Variants in PPRC1 observed in about 807,000 individuals in gnomAD.
PPRC1 encodes the protein peroxisome proliferator-activated receptor gamma coactivator-related protein 1.
In PPRC1, 23 loss-of-function variants were observed where a neutral mutation model predicts 132.5. The ratio of observed to expected loss-of-function variants is 0.17; its 90% CI spans 0.12 to 0.25. The LOEUF (loss-of-function observed/expected upper bound fraction) is 0.25, where lower values mean the gene tolerates loss of function less well. Ranked by LOEUF, PPRC1 falls within the 10% of genes least tolerant of loss-of-function variation. The pLI, the probability that PPRC1 is intolerant of heterozygous loss-of-function variation, is 1.00. For missense variants in PPRC1, 2,006 were observed against 2,089.1 expected, an observed-to-expected ratio of 0.96 and a Z score of 0.78; for synonymous variants, 872 against 833.5, an observed-to-expected ratio of 1.05 and a Z score of -0.80.
chr10:102,141,888 G>A lies in PPRC1; in HGVS notation c.3380G>A (p.Ser1127Asn). ...AAGGCTGTTCCCACACCAAGGCAGA[G>A]CACTGTCCCCAAGCTGCCTGCTGTC... ...ATKAVPTPRQ[S>N]TVPKLPAVHP... Residue 1127 changes from serine to asparagine, a missense_variant, in exon 5 of 14, where the codon AGC (serine) becomes AAC (asparagine). Physicochemically the swap from Ser to Asn is conservative, Grantham distance 46. Coordinates refer to ENST00000278070, the MANE Select transcript of PPRC1 (RefSeq NM_015062.5). 1 of 1,614,164 alleles carries A rather than the reference G, an allele frequency of 6.2e-7. No individual in the cohort carries two copies. The highest frequency in any genetic ancestry group is 8.5e-7 in the Non-Finnish European group (1 of 1,180,026).
chr10:102,123,337 AG>A, the PPRC1 span, among the ~76,000 whole-genome samples: 1 of 151,826 alleles, frequency 6.6e-6, no homozygotes, highest in African/African-American at 2.4e-5. Context: ...ATGGGAAGAG[AG>A]GTCACAGACA....
At position 102,140,229 on chromosome 10, in the gene PPRC1, T is replaced by A. The variant is rs1439762852; in HGVS notation, c.1721T>A (p.Leu574His). 1 of 1,614,058 alleles carries A rather than the reference T, an allele frequency of 6.2e-7. No homozygotes were observed. Among genetic ancestry groups the A allele is most frequent in the East Asian group, 2.2e-5 (1 of 44,878 alleles). The change falls in exon 5 of 14, where the codon CTC becomes CAC. Residue 574 changes from leucine to histidine, a missense_variant. This residue lies in a region of PPRC1 where 1,914 missense variants were observed against 1,917.2 expected (regional missense o/e 1.00). Coordinates refer to ENST00000278070, the MANE Select transcript of PPRC1 (RefSeq NM_015062.5). ...TIQTNPIPTH[L>H]SLVDSAQASP... is the part of the protein sequence containing the mutation. ...CAAACCAATCCTATACCAACCCATC[T>A]CTCATTGGTCGACTCTGCCCAAGCC...
At chr10:102,137,535 C>G (rs1308455244) in intron 1 of PPRC1, among the ~76,000 whole-genome samples, 4 of 152,160 alleles carry the variant, frequency 2.6e-5, no homozygotes, top group Non-Finnish European at 5.9e-5. Flanking sequence ...GTTATCTTCA[C>G]TGCTGCCAGT....
Position 102,133,103 on chromosome 10 carries a change from C to G in PPRC1, c.35C>G (p.Ala12Gly). 9 of 1,244,354 alleles carry G rather than the reference C, an allele frequency of 7.2e-6. No individual in the cohort carries two copies. Among genetic ancestry groups the G allele is most frequent in the African/African-American group, 1.5e-5 (1 of 64,558 alleles). The allele number at this position is 1,244,354 out of a possible 1,614,324, so 77.1% of individuals were successfully genotyped here. The change falls in exon 1 of 14, where the codon GCG (alanine) becomes GGG (glycine). Residue 12 changes from alanine to glycine, a missense_variant. Ala to Gly is a moderately conservative substitution (Grantham distance 60, BLOSUM62 0). Transcript: ENST00000278070. ...CGCCGGGGACGGAGAGACGGAGTCG[C>G]GCCGCCCCCGAGTGGGGGCCCCGGT... ...AARRGRRDGV[A>G]PPPSGGPGPD...
chr10:102,136,708 G>C (rs2068735803), intron 1 of PPRC1, among the ~76,000 whole-genome samples: 1 of 152,078 alleles, frequency 6.6e-6, no homozygotes, highest in South Asian at 2.1e-4. Flanking sequence ...GGTAGTATCT[G>C]TGGTTTCAGG....
chr10:102,124,511 G>C, the PPRC1 span, among the ~76,000 whole-genome samples: 1 of 148,926 alleles, frequency 6.7e-6, no homozygotes, highest in African/African-American at 2.5e-5. Flanking sequence ...TTACAGGCGC[G>C]CACCACCACA....
chr10:102,135,640 A>C (rs2068695777), intron 1 of PPRC1, among the ~76,000 whole-genome samples: 1 of 152,132 alleles, frequency 6.6e-6, no homozygotes, highest in Admixed American at 6.5e-5. Context: ...CAGCCTCCCA[A>C]AGTGCTGGGA....
the PPRC1 span, among the ~76,000 whole-genome samples, chr10:102,123,189 A>G: frequency 1.3e-5 from 2 of 152,222 alleles, no homozygotes; most frequent in African/African-American, 4.8e-5. Flanking sequence ...CAAGTTAGTT[A>G]ACTTTGCCAA....
At position 102,141,799 on chromosome 10, in the gene PPRC1, A is replaced by G. The variant is rs962213726; in HGVS notation, c.3291A>G (p.Ser1097=). 6.2e-7 allele frequency: 1 copy of G among 1,613,944 alleles called. No individual in the cohort carries two copies. The highest frequency in any genetic ancestry group is 8.5e-7 in the Non-Finnish European group (1 of 1,179,932). The change falls in exon 5 of 14, where the codon TCA becomes TCG. Residue 1097 remains serine (S), a synonymous_variant. Coordinates refer to ENST00000278070, the MANE Select transcript of PPRC1 (RefSeq NM_015062.5). The part of the protein sequence containing the change: ...AEGVTVEEPA[S]ERLKPETQET... ...GTGTGACTGTTGAGGAGCCTGCATCAGAGAGGCTAAAGCCTGAGACCCAAG... is the reference window on the plus strand; with the variant it reads ...GTGTGACTGTTGAGGAGCCTGCATCGGAGAGGCTAAAGCCTGAGACCCAAG...
chr10:102,123,842 T>TC, the PPRC1 span, among the ~76,000 whole-genome samples: 2 of 141,530 alleles, frequency 1.4e-5, no homozygotes, highest in African/African-American at 5.3e-5. Flanking sequence ...CCTTTTTTTT[T>TC]TTTTTTTTTT....
intron 1 of PPRC1, 137 bp from the exon 2 acceptor site, chr10:102,137,713 C>T: frequency 3.9e-6 from 3 of 775,816 alleles, no homozygotes; most frequent in Non-Finnish European, 4.0e-6. Flanking sequence ...TCTCTCTGCT[C>T]TGCTAGCCCA....
chr10:102,121,397 A>C, the PPRC1 span, among the ~76,000 whole-genome samples: 1 of 152,094 alleles, frequency 6.6e-6, no homozygotes, highest in Non-Finnish European at 1.5e-5. Flanking sequence ...CCTAACCCAG[A>C]GAGGCAGAGG....
At chr10:102,138,493 A>T in intron 2 of PPRC1, 126 bp from the exon 3 acceptor site, 1 of 1,178,160 alleles carries the variant, frequency 8.5e-7, no homozygotes, top group Non-Finnish European at 1.2e-6. Flanking sequence ...TGGTATTCAG[A>T]TCCTTCTCGC....
chr10:102,148,358 C>T lies in PPRC1; in HGVS notation c.4401-14C>T. 2 of 1,612,082 alleles carry T rather than the reference C, an allele frequency of 1.2e-6. No homozygotes were observed. Among genetic ancestry groups the T allele is most frequent in the Non-Finnish European group, 1.7e-6 (2 of 1,179,570 alleles). On this transcript the variant is annotated splice_polypyrimidine_tract_variant and intron_variant, in intron 9 of 13. Transcript: ENST00000278070. The surrounding 1 kb of genome is among the most constrained non-coding windows in gnomAD (Gnocchi z 4.2). The stretch of plus-strand genomic sequence containing the variant: ...ACCACTCCCAGCATTCCTGCATGCC[C>T]TCTTATCCTTCAGGTCCAGCTGTAG...
At position 102,146,807 on chromosome 10, in the gene PPRC1, A is replaced by G; in HGVS notation, c.3815A>G (p.Lys1272Arg). The change falls in exon 9 of 14, where the codon AAA (lysine) becomes AGA (arginine). Residue 1272 changes from lysine to arginine, a missense_variant. By Grantham distance (26) the Lys-to-Arg change is conservative (BLOSUM62 2). Around this residue, in one of 2 missense-constraint regions of PPRC1, gnomAD observed 1,914 missense variants for 1,917.2 expected, o/e 1.00. Coordinates refer to ENST00000278070, the MANE Select transcript of PPRC1 (RefSeq NM_015062.5). ...AAGCCTGAAGGAGTTACGGAGGCCA[A>G]ACATCCAGCTGCAGTTCGCCTCCAA... ...TLKPEGVTEA[K>R]HPAAVRLQEG... 4 of 1,614,110 alleles carry G rather than the reference A, an allele frequency of 2.5e-6. No individual in the cohort carries two copies. The highest frequency in any genetic ancestry group is 3.4e-6 in the Non-Finnish European group (4 of 1,180,006).
rs1435256606 is a variant in PPRC1, at chr10:102,141,509, CCTT to C, written c.3002_3004del (p.Pro1001del). On this transcript the variant is annotated inframe_deletion, in exon 5 of 14. Transcript: ENST00000278070. ...ATTCTGGTCTACTGTTCCCCCACCT[CCTT>C]TGCCTCCAGCCTCCATTGGGAGAGC... The C allele has an allele frequency of 6.2e-7, 1 of 1,613,924 alleles. No homozygotes were observed. The highest frequency in any genetic ancestry group is 1.7e-5 in the Admixed American group (1 of 59,998).
At chr10:102,120,203 G>T in the PPRC1 span, 1 of 1,035,882 alleles carries the variant, frequency 9.7e-7, no homozygotes. Context: ...GCCGCCCGCG[G>T]CCCCCGCTGC....
upstream of PPRC1, among the ~76,000 whole-genome samples, chr10:102,128,263 C>T (rs1193063885): frequency 1.3e-5 from 2 of 152,010 alleles, no homozygotes; most frequent in East Asian, 3.9e-4. Context: ...CCTCAGCCTC[C>T]CGAGTATCTG....
chr10:102,130,567 C>G (rs911044537), upstream of PPRC1, among the ~76,000 whole-genome samples: 1 of 151,780 alleles, frequency 6.6e-6, no homozygotes, highest in Non-Finnish European at 1.5e-5. Context: ...GAAACCCCCT[C>G]TCTACTAAAA....
Sources: gnomAD v4.1 joint callset for allele counts (sites outside exome capture counted in the v4.1 genomes callset) on GRCh38, gnomAD v4.1.1 for gene constraint, gnomAD v4.1.1 regional missense constraint, Gnocchi (gnomAD v3.1) non-coding constraint, MANE v1.5 for transcripts, NCBI Gene and HGNC (gene_info 2026-07-23, HGNC 2026-07-21) for gene names.